The following SUPT3H variants were observed in gnomAD, a reference collection of about 807,000 sequenced individuals.
SUPT3H encodes the protein transcription initiation protein SPT3 homolog.
A neutral mutation model predicts 44.3 loss-of-function variants in SUPT3H; 44 were observed. That is an observed-to-expected ratio of 0.99 (90% CI 0.78 to 1.28). The LOEUF (loss-of-function observed/expected upper bound fraction) is 1.28. Among genes scored for constraint, SUPT3H ranks in the 50% most tolerant of loss-of-function variants. The pLI, the probability that SUPT3H is intolerant of heterozygous loss-of-function variation, is 0.00. For synonymous variants in SUPT3H, 124 were observed against 125.6 expected, an observed-to-expected ratio of 0.99 and a Z score of 0.09; for missense variants, 380 against 387.1, an observed-to-expected ratio of 0.98 and a Z score of 0.15.
chr6:44,863,292 AACAC>A (rs945582551), intron 10 of SUPT3H, among the ~76,000 whole-genome samples: 4 of 152,052 alleles, frequency 2.6e-5, no homozygotes, highest in African/African-American at 9.7e-5. Context: ...ATATGCAATA[AACAC>A]ACACACACAG....
rs1216822568 is a variant in SUPT3H at position 45,064,964 on chromosome 6, T to C, written c.186+40958A>G. On this transcript the variant is annotated intron_variant, in intron 3 of 10. Coordinates refer to ENST00000371459, the MANE Select transcript of SUPT3H (RefSeq NM_003599.4). ...TCAGCTCTGCACCAAGTGGACCTAA[T>C]AGACATCTACAGAACTCTCCACCCC... is the stretch of plus-strand genomic sequence containing the variant. Among the ~76,000 whole-genome samples the C allele has an allele frequency of 2.0e-5, 3 of 150,208 alleles. No individual in the cohort carries two copies. The East Asian group carries it at 6.0e-4, about 30-fold the overall frequency.
chr6:45,066,191 C>T (rs1485505143), intron 3 of SUPT3H, among the ~76,000 whole-genome samples: 2 of 150,808 alleles, frequency 1.3e-5, no homozygotes, highest in Admixed American at 1.3e-4. Flanking sequence ...AGCATATAAA[C>T]AGAGCCAAAG....
chr6:45,252,069 T>C (rs942618361), intron 2 of SUPT3H, among the ~76,000 whole-genome samples: 1 of 152,166 alleles, frequency 6.6e-6, no homozygotes, highest in Non-Finnish European at 1.5e-5. Context: ...CAACTTTAGC[T>C]CCATGTTCCA....
intron 2 of SUPT3H, among the ~76,000 whole-genome samples, chr6:45,335,161 T>C (rs753307244): frequency 1.8e-4 from 28 of 151,378 alleles, no homozygotes; most frequent in Non-Finnish European, 3.4e-4. Context: ...AATTTTTCTA[T>C]GATAATTGCT....
At chr6:45,296,185 T>TATAC (rs377152580) in intron 2 of SUPT3H, among the ~76,000 whole-genome samples, 1 of 140,454 alleles carries the variant, frequency 7.1e-6, no homozygotes, top group Non-Finnish European at 1.5e-5. Context: ...ATACACATAC[T>TATAC]ACACACACAC....
chr6:44,958,083 G>T (rs1402885514), intron 7 of SUPT3H, among the ~76,000 whole-genome samples: 5 of 152,102 alleles, frequency 3.3e-5, no homozygotes, highest in Admixed American at 3.3e-4. Flanking sequence ...TCTTCCCAAC[G>T]TATCAGGAGA....
intron 1 of SUPT3H, among the ~76,000 whole-genome samples, chr6:45,366,583 T>C (rs1466551977): frequency 6.6e-6 from 1 of 152,206 alleles, no homozygotes; most frequent in Non-Finnish European, 1.5e-5. Context: ...AACTTTTATA[T>C]AAATTTAGAT....
chr6:45,071,347 G>A (rs1163881134), intron 3 of SUPT3H, among the ~76,000 whole-genome samples: 1 of 150,362 alleles, frequency 6.7e-6, no homozygotes. Flanking sequence ...AGTTACACAT[G>A]AGGAAACTAC....
Position 45,045,066 on chromosome 6 carries a change from C to G in SUPT3H, c.187-24434G>C, listed in dbSNP as rs1424512494. Among the ~76,000 whole-genome samples the G allele has an allele frequency of 4.2e-4, 64 of 152,000 alleles. 1 individual carries two copies. The highest frequency in any genetic ancestry group is 4.1e-3 in the Admixed American group (63 of 15,256). On this transcript the variant is annotated intron_variant, in intron 3 of 10. Coordinates refer to ENST00000371459, the MANE Select transcript of SUPT3H (RefSeq NM_003599.4). ...TACCCACTATGTCACTGAAAAGAAA[C>G]CTCATCATGACTCATGGGAAGAATG...
intron 4 of SUPT3H, among the ~76,000 whole-genome samples, chr6:45,017,306 T>C (rs1260309629): frequency 1.3e-5 from 2 of 149,916 alleles, no homozygotes; most frequent in East Asian, 3.9e-4. Context: ...GCCTGTTCAC[T>C]CTGATGGTAG....
intron 3 of SUPT3H, among the ~76,000 whole-genome samples, chr6:45,027,579 A>T (rs1206041019): frequency 1.3e-5 from 2 of 152,120 alleles, no homozygotes; most frequent in African/African-American, 2.4e-5. Context: ...ATACCGTAGG[A>T]ACTCTGGATT....
chr6:45,212,760 T>C (rs1398448859), intron 2 of SUPT3H, among the ~76,000 whole-genome samples: 2 of 152,218 alleles, frequency 1.3e-5, no homozygotes, highest in Non-Finnish European at 2.9e-5. Flanking sequence ...TCACAGTTCT[T>C]AGGACATCAT....
chr6:45,006,314 T>C (rs1782710117), intron 5 of SUPT3H, among the ~76,000 whole-genome samples: 1 of 152,132 alleles, frequency 6.6e-6, no homozygotes, highest in East Asian at 1.9e-4. Context: ...ATTTCATTTT[T>C]ATTATTTTCT....
chr6:44,909,122 G>GAGGT, intron 10 of SUPT3H, among the ~76,000 whole-genome samples: 1 of 126,282 alleles, frequency 7.9e-6, no homozygotes, highest in South Asian at 3.1e-4. Context: ...CTATACCTAA[G>GAGGT]AGGTGTGTGT....
intron 2 of SUPT3H, among the ~76,000 whole-genome samples, chr6:45,268,382 T>G (rs1397913653): frequency 6.6e-6 from 1 of 152,178 alleles, no homozygotes; most frequent in Non-Finnish European, 1.5e-5. Flanking sequence ...GATTTACAGA[T>G]CTGCCTAAAT....
intron 2 of SUPT3H, among the ~76,000 whole-genome samples, chr6:45,132,187 TC>T (rs1260386096): frequency 6.6e-6 from 1 of 152,198 alleles, no homozygotes; most frequent in African/African-American, 2.4e-5. Context: ...ATTTTCCTGC[TC>T]CTGGCACTGG....
chr6:45,077,556 G>C (rs952692761), intron 3 of SUPT3H, among the ~76,000 whole-genome samples: 1 of 141,096 alleles, frequency 7.1e-6, no homozygotes, highest in Admixed American at 7.6e-5. Context: ...GAGCCCAGGA[G>C]ATTGAAGCTG....
intron 3 of SUPT3H, among the ~76,000 whole-genome samples, chr6:45,062,387 C>G (rs1792255077): frequency 6.6e-6 from 1 of 151,774 alleles, no homozygotes; most frequent in Admixed American, 6.6e-5. Flanking sequence ...ACAAATATTA[C>G]AGCCAAGACA....
chr6:45,035,014 A>G (rs1489939897), intron 3 of SUPT3H, among the ~76,000 whole-genome samples: 3 of 152,190 alleles, frequency 2.0e-5, no homozygotes, highest in Non-Finnish European at 4.4e-5. Context: ...AATTTGACCA[A>G]TCAACATCCA....
Sources: gnomAD v4.1 joint callset for allele counts (sites outside exome capture counted in the v4.1 genomes callset) on GRCh38, gnomAD v4.1.1 for gene constraint, MANE v1.5 for transcripts, NCBI Gene and HGNC (gene_info 2026-07-23, HGNC 2026-07-21) for gene names.